MYO10: variants seen among roughly 807,000 people sequenced by gnomAD.
The protein encoded by MYO10 is unconventional myosin-X.
Under a neutral mutation model 257.3 loss-of-function variants are expected in MYO10, and 133 were observed. The observed-to-expected ratio is 0.52, with a 90% CI of 0.45 to 0.60. The LOEUF is 0.60. Among genes scored for constraint, MYO10 ranks in the 20% least tolerant of loss-of-function variants. The probability of loss-of-function intolerance (pLI) is 0.00; values close to 1 mark genes in which losing one functional copy is unlikely to be tolerated. For missense variants in MYO10, 2,399 were observed against 2,635.7 expected (o/e 0.91, Z 1.97); for synonymous variants, 1,104 against 1,028.6 (o/e 1.07, Z -1.40).
At chr5:16,827,694 T>A (rs185252635) in intron 2 of MYO10, among the ~76,000 whole-genome samples, 179 of 152,304 alleles carry the variant, frequency 1.2e-3, no homozygotes, top group African/African-American at 4.1e-3. Flanking sequence ...AACTAGTTTG[T>A]GAAATTAAGT....
At chr5:16,814,020 C>G (rs368381700) in intron 3 of MYO10, among the ~76,000 whole-genome samples, 2 of 152,170 alleles carry the variant, frequency 1.3e-5, no homozygotes, top group Non-Finnish European at 2.9e-5. Context: ...ATTCAGCCAA[C>G]GACACAATGA....
At chr5:16,909,437 C>T (rs1389561957) in intron 1 of MYO10, among the ~76,000 whole-genome samples, 3 of 147,694 alleles carry the variant, frequency 2.0e-5, no homozygotes, top group Admixed American at 7.0e-5. Context: ...ACCCAGGAGA[C>T]GGAAGTTGCA....
chr5:16,686,315 C>A lies in MYO10; in HGVS notation c.3897-484G>T, dbSNP rs72750534. 3.7e-3 allele frequency among the ~76,000 whole-genome samples: 564 copies of A among 152,254 alleles called. 1 individual carries two copies. Among genetic ancestry groups the A allele is most frequent in the Middle Eastern group, 6.8e-3 (2 of 294 alleles). On this transcript the variant is annotated intron_variant, in intron 28 of 40. Coordinates refer to ENST00000513610, the MANE Select transcript of MYO10 (RefSeq NM_012334.3). The stretch of plus-strand genomic sequence containing the variant: ...CCATAATCCAAAACAAATCTGAAAT[C>A]TGAAATGCTTCAAAATTCAAAACTT...
At chr5:16,898,413 CT>C (rs34185618) in intron 1 of MYO10, among the ~76,000 whole-genome samples, 167 of 136,958 alleles carry the variant, frequency 1.2e-3, no homozygotes, top group South Asian at 7.2e-3. Flanking sequence ...ATTTCTTTCT[CT>C]TTTTTTTTTT....
chr5:16,906,147 C>G (rs1158062072), intron 1 of MYO10, among the ~76,000 whole-genome samples: 2 of 152,168 alleles, frequency 1.3e-5, no homozygotes, highest in African/African-American at 4.8e-5. Flanking sequence ...GGCTGCTATC[C>G]CAGTCCCCAT....
chr5:16,760,250 G>A (rs1407706450), intron 17 of MYO10, among the ~76,000 whole-genome samples: 2 of 147,698 alleles, frequency 1.4e-5, no homozygotes, highest in African/African-American at 5.1e-5. Flanking sequence ...AGGAGATGGA[G>A]ACCATCCTGG....
At chr5:16,670,308 G>T in intron 39 of MYO10, among the ~76,000 whole-genome samples, 1 of 152,116 alleles carries the variant, frequency 6.6e-6, no homozygotes, top group Non-Finnish European at 1.5e-5. Context: ...TCTTAATTTT[G>T]CATTCATTCC....
Position 16,689,913 on chromosome 5 carries a change from G to A in MYO10, c.3807C>T (p.Ile1269=). The change falls in exon 28 of 41, where the codon ATC becomes ATT. Residue 1269 remains isoleucine, a synonymous_variant. Coordinates refer to ENST00000513610, the MANE Select transcript of MYO10 (RefSeq NM_012334.3). ...CATTCTCCTTGGTGGTGTTATCTATGATCTCTCTGCAAAGAAGCAAAAGCA... is the reference window on the plus strand; with the variant it reads ...CATTCTCCTTGGTGGTGTTATCTATAATCTCTCTGCAAAGAAGCAAAAGCA... ...GTVEVRTAKE[I]IDNTTKENGI... is the part of the protein sequence containing the mutation. 6.2e-7 allele frequency: 1 copy of A among 1,612,144 alleles called. No individual in the cohort carries two copies. The highest frequency in any genetic ancestry group is 8.5e-7 in the Non-Finnish European group (1 of 1,178,398).
chr5:16,704,822 A>G (rs1738255681), intron 21 of MYO10, 137 bp from the exon 22 acceptor site: 1 of 653,206 alleles, frequency 1.5e-6, no homozygotes, highest in Non-Finnish European at 2.7e-6. Context: ...GCTTTCTAGA[A>G]TAGTGCTTTT....
Position 16,764,194 on chromosome 5 carries a change from T to G in MYO10, c.1326+56A>C, listed in dbSNP as rs1028747432. 2.1e-5 allele frequency: 33 copies of G among 1,569,350 alleles called. No homozygotes were observed. In the South Asian group the frequency reaches 3.5e-4, roughly 17 times the overall value. On this transcript the variant is annotated intron_variant, in intron 12 of 40. Transcript: ENST00000513610. The stretch of plus-strand genomic sequence containing the variant: ...AGTTTGCTCACAGAGATTTGTTCAA[T>G]AGCAGCTAATCATGGACAGAAGAGA...
In MYO10 at chr5:16,796,206, A is replaced by C. The variant is rs1338553830; in HGVS notation, c.280-1373T>G. ...TCTGTCAAAAAAAAAAAAAAAAAGAAAGAACAGAGAGAGAGCGAGAAAGAG... is the reference window on the plus strand; with the variant it reads ...TCTGTCAAAAAAAAAAAAAAAAAGACAGAACAGAGAGAGAGCGAGAAAGAG... On this transcript the variant is annotated intron_variant, in intron 3 of 40. Transcript: ENST00000513610. 2.6e-4 allele frequency among the ~76,000 whole-genome samples: 32 copies of C among 122,318 alleles called. 3 individuals are homozygous for C. The highest frequency in any genetic ancestry group is 7.5e-4 in the African/African-American group (25 of 33,300). 80.2% of individuals were successfully genotyped at this position (122,318 alleles called of 152,430 possible).
rs188765088 is a variant in MYO10, at chr5:16,679,878, G to A, written c.4542+69C>T. ...AAAACTGAGCTTCACTAATGCTGAG[G>A]TCTTGGTGCTCTAAGGGTAGAATCT... On this transcript the variant is annotated intron_variant, in intron 33 of 40. Coordinates refer to ENST00000513610, the MANE Select transcript of MYO10 (RefSeq NM_012334.3). 9.2e-5 allele frequency: 143 copies of A among 1,553,622 alleles called. No individual in the cohort carries two copies. In the African/African-American group the frequency reaches 1.7e-3, roughly 19 times the overall value.
At position 16,912,703 on chromosome 5, in the gene MYO10, C is replaced by G. The variant is rs562608813; in HGVS notation, c.21+23085G>C. 4.0e-5 allele frequency among the ~76,000 whole-genome samples: 6 copies of G among 151,494 alleles called. No homozygotes were observed. In the South Asian group the frequency reaches 1.3e-3, roughly 32 times the overall value. On this transcript the variant is annotated intron_variant, in intron 1 of 40. Transcript: ENST00000513610. The stretch of plus-strand genomic sequence containing the variant: ...TTCTGACCAAATGGCAGACTAAAAC[C>G]CTTTTAAACAGTCTGTATTTCAGCC...
intron 21 of MYO10, among the ~76,000 whole-genome samples, chr5:16,710,108 T>C (rs1738529126): frequency 6.6e-6 from 1 of 152,196 alleles, no homozygotes; most frequent in Non-Finnish European, 1.5e-5. Context: ...TCTCTGACAT[T>C]GCACTGCTGT....
chr5:16,717,656 C>T (rs760063084), intron 19 of MYO10, among the ~76,000 whole-genome samples: 13 of 152,244 alleles, frequency 8.5e-5, no homozygotes, highest in Non-Finnish European at 1.8e-4. Flanking sequence ...CCCATAAACA[C>T]GGACAATCAT....
chr5:16,815,307 T>G, intron 3 of MYO10: 1 of 594,868 alleles, frequency 1.7e-6, no homozygotes, highest in South Asian at 2.2e-5. Flanking sequence ...ATTTGCATAC[T>G]ATGTACTGGT....
chr5:16,925,404 A>G lies in MYO10; in HGVS notation c.21+10384T>C, dbSNP rs148717478. Among the ~76,000 whole-genome samples, 364 of 152,316 alleles carry G rather than the reference A, an allele frequency of 2.4e-3. 3 individuals carry two copies. In the South Asian group the frequency reaches 0.026, roughly 11 times the overall value. ...ATAGACCATTTTCTGGCCAATATGC[A>G]TTATGGTACACGCATTACGGTATAC... On this transcript the variant is annotated intron_variant, in intron 1 of 40. Transcript: ENST00000513610.
At chr5:16,769,473 T>C (rs920405783) in intron 9 of MYO10, among the ~76,000 whole-genome samples, 1 of 152,174 alleles carries the variant, frequency 6.6e-6, no homozygotes, top group Non-Finnish European at 1.5e-5. Context: ...TAGCTGGGAT[T>C]ACAGGTGTGT....
At chr5:16,792,155 A>G (rs955366998) in intron 4 of MYO10, among the ~76,000 whole-genome samples, 1 of 148,368 alleles carries the variant, frequency 6.7e-6, no homozygotes, top group Non-Finnish European at 1.5e-5. Context: ...AGAGAGAGAG[A>G]GAGAGAGAGG....
Sources: gnomAD v4.1 joint callset for allele counts (sites outside exome capture counted in the v4.1 genomes callset) on GRCh38, gnomAD v4.1.1 for gene constraint, MANE v1.5 for transcripts, NCBI Gene and HGNC (gene_info 2026-07-23, HGNC 2026-07-21) for gene names.